The following SPTB variants were observed in gnomAD, a reference collection of about 807,000 sequenced individuals.
SPTB encodes the protein spectrin beta, erythrocytic, also known as spectrin beta chain, erythrocytic.
SPTB carries 45 observed loss-of-function variants against 256.2 expected under a neutral mutation model. The observed-to-expected ratio is 0.18, with a 90% confidence interval of 0.14 to 0.23. The LOEUF is 0.23. Among genes scored for constraint, SPTB ranks in the 10% least tolerant of loss-of-function variants. The probability of loss-of-function intolerance (pLI) is 1.00; values close to 1 mark genes in which losing one functional copy is unlikely to be tolerated. For synonymous variants in SPTB, 1,231 were observed against 1,243.1 expected (o/e 0.99, Z 0.21); for missense variants, 2,715 against 3,040.4 (o/e 0.89, Z 2.52).
At chr14:64,865,118 C>T (rs912360562) in intron 1 of SPTB, among the ~76,000 whole-genome samples, 3 of 151,990 alleles carry the variant, frequency 2.0e-5, no homozygotes, top group Non-Finnish European at 4.4e-5. Flanking sequence ...ACAATGTATA[C>T]ACGATTTCAT....
At chr14:64,858,434 G>A (rs138064987) in intron 1 of SPTB, among the ~76,000 whole-genome samples, 12 of 152,218 alleles carry the variant, frequency 7.9e-5, no homozygotes, top group East Asian at 5.8e-4. Flanking sequence ...CTAGAAATTC[G>A]AGCAGGTATG....
chr14:64,767,435 T>C, intron 30 of SPTB, 83 bp from the exon 31 acceptor site: 1 of 1,571,852 alleles, frequency 6.4e-7, no homozygotes, highest in Non-Finnish European at 8.7e-7. Flanking sequence ...GATGCGGCCC[T>C]GCACCCCCAC....
chr14:64,822,890 G>A, intron 2 of SPTB, 57 bp downstream of exon 2: 1 of 1,605,924 alleles, frequency 6.2e-7, no homozygotes. Flanking sequence ...GGTGGGGAGG[G>A]CTGTGAACCT....
chr14:64,765,049 C>CGT (rs1485519297), intron 32 of SPTB, among the ~76,000 whole-genome samples: 1 of 83,366 alleles, frequency 1.2e-5, no homozygotes, highest in Non-Finnish European at 2.3e-5. Context: ...TGTGCGCGCG[C>CGT]GCGCGCGGGT....
At chr14:64,849,144 T>G (rs760282852) in intron 1 of SPTB, among the ~76,000 whole-genome samples, 19 of 152,358 alleles carry the variant, frequency 1.2e-4, no homozygotes, top group Non-Finnish European at 2.4e-4. Flanking sequence ...TTAGTTTTGC[T>G]GCAAAAATAA....
chr14:64,867,023 T>C (rs1159979136), intron 1 of SPTB, among the ~76,000 whole-genome samples: 1 of 152,142 alleles, frequency 6.6e-6, no homozygotes, highest in Non-Finnish European at 1.5e-5. Flanking sequence ...AGTGACTGTA[T>C]TCTGGATGAA....
chr14:64,865,505 G>C (rs557716983), intron 1 of SPTB, among the ~76,000 whole-genome samples: 10 of 152,050 alleles, frequency 6.6e-5, no homozygotes, highest in Non-Finnish European at 1.3e-4. Flanking sequence ...TTGAAGATGC[G>C]TTTCACTGCA....
intron 1 of SPTB, among the ~76,000 whole-genome samples, chr14:64,874,672 A>C (rs1008759616): frequency 6.6e-6 from 1 of 152,236 alleles, no homozygotes; most frequent in Non-Finnish European, 1.5e-5. Flanking sequence ...TGGTCCACAT[A>C]ATTTATGCCT....
chr14:64,766,160 G>GTA (rs1566740931), intron 32 of SPTB, among the ~76,000 whole-genome samples: 283 of 150,170 alleles, frequency 1.9e-3, no homozygotes, highest in African/African-American at 6.5e-3. Flanking sequence ...TGGTGTGTTT[G>GTA]TGTGTATGTG....
At chr14:64,752,509 A>G (rs1024892030) in intron 33 of SPTB, among the ~76,000 whole-genome samples, 3 of 152,228 alleles carry the variant, frequency 2.0e-5, no homozygotes, top group African/African-American at 7.2e-5. Context: ...CTTTGGAGAA[A>G]GAGCTTGCCT....
chr14:64,765,041 T>TGTGTGTGTGC (rs570414192), intron 32 of SPTB, among the ~76,000 whole-genome samples: 15 of 117,002 alleles, frequency 1.3e-4, no homozygotes, highest in African/African-American at 5.0e-4. Context: ...TGTGTGTGTG[T>TGTGTGTGTGC]GCGCGCGCGC....
At chr14:64,750,674 G>T (rs2081932118) in intron 33 of SPTB, among the ~76,000 whole-genome samples, 1 of 151,956 alleles carries the variant, frequency 6.6e-6, no homozygotes, top group Non-Finnish European at 1.5e-5. Context: ...TACTCAGGAG[G>T]CTGAGACAGG....
intron 1 of SPTB, among the ~76,000 whole-genome samples, chr14:64,867,573 G>A (rs1882260171): frequency 6.6e-6 from 1 of 152,230 alleles, no homozygotes; most frequent in Non-Finnish European, 1.5e-5. Flanking sequence ...TCATGGCTGT[G>A]CTGGGTGCGG....
rs1444657597 is a variant in SPTB, at chr14:64,847,504, T to C, written c.-51-24359A>G. On this transcript the variant is annotated intron_variant, in intron 1 of 35. Transcript: ENST00000644917. The surrounding 1 kb of genome is among the most constrained non-coding windows in gnomAD (Gnocchi z 5.9). ...CTATCCTTCAGGTACCTTCCCAGGT[T>C]GGTGCTAGCTCCTTTCAAGCTACAT... Among the ~76,000 whole-genome samples the C allele has an allele frequency of 6.6e-6, 1 of 152,042 alleles. No homozygotes were observed. Among genetic ancestry groups the C allele is most frequent in the Non-Finnish European group, 1.5e-5 (1 of 68,002 alleles).
At chr14:64,800,692 G>A in intron 8 of SPTB, 64 bp downstream of exon 8, 2 of 1,408,846 alleles carry the variant, frequency 1.4e-6, no homozygotes, top group Non-Finnish European at 2.0e-6. Flanking sequence ...TGGAAAGAGG[G>A]CCACTCTGTC....
rs1207587789 is a variant in SPTB at position 64,824,452 on chromosome 14, C to T, written c.-51-1307G>A. Among the ~76,000 whole-genome samples the T allele has an allele frequency of 6.6e-6, 1 of 152,030 alleles. No homozygotes were observed. Among genetic ancestry groups the T allele is most frequent in the African/African-American group, 2.4e-5 (1 of 41,384 alleles). On this transcript the variant is annotated intron_variant, in intron 1 of 35. Coordinates refer to ENST00000644917, the MANE Select transcript of SPTB (RefSeq NM_001355436.2). The surrounding 1 kb of genome is among the most constrained non-coding windows in gnomAD (Gnocchi z 5.7). ...CAGGCTTGGTCTTCAATGCCCTGGA[C>T]CCTAGGAAAACTATTAGCTTTCTTC...
Position 64,793,832 on chromosome 14 carries a change from G to A in SPTB, c.1831C>T (p.Arg611Cys), listed in dbSNP as rs761729520. Residue 611 changes from arginine (R) to cysteine (C), a missense_variant, in exon 14 of 36, where the codon CGC becomes TGC. Coordinates refer to ENST00000644917, the MANE Select transcript of SPTB (RefSeq NM_001355436.2). The surrounding 1 kb of genome is among the most constrained non-coding windows in gnomAD (Gnocchi z 7.0). Reference sequence around the variant, plus strand: ...AAGCACTGCTCCAAGTGGCTGATGCGGTCCTGGATGACCTGGGGGTCACAA... The same window carrying A: ...AAGCACTGCTCCAAGTGGCTGATGCAGTCCTGGATGACCTGGGGGTCACAA... ...QPCDPQVIQD[R>C]ISHLEQCFEE... The A allele has an allele frequency of 5.0e-6, 8 of 1,609,748 alleles. 1 individual carries two copies. In the East Asian group the frequency reaches 6.7e-5, roughly 13 times the overall value.
chr14:64,773,562 G>T (rs2082311266), intron 24 of SPTB, 138 bp from the exon 25 acceptor site: 2 of 922,802 alleles, frequency 2.2e-6, no homozygotes, highest in Non-Finnish European at 3.5e-6. Flanking sequence ...AATGACAGGG[G>T]CTTTGCCGGG....
In SPTB at chr14:64,790,323, T is replaced by C. The variant is rs1480213599; in HGVS notation, c.2804+1396A>G. 1.3e-5 allele frequency among the ~76,000 whole-genome samples: 2 copies of C among 152,170 alleles called. No homozygotes were observed. Among genetic ancestry groups the C allele is most frequent in the Non-Finnish European group, 2.9e-5 (2 of 68,022 alleles). On this transcript the variant is annotated intron_variant, in intron 15 of 35. Transcript: ENST00000644917. This position sits in a 1 kb window ranked among gnomAD's most constrained non-coding sequence, Gnocchi z 4.8. ...TCAACATTCTCAGACTATAGTTTAT[T>C]GTTGAGCTGATGAGTTCTTCCTCTC...
Sources: allele counts gnomAD v4.1 joint callset (sites outside exome capture counted in the v4.1 genomes callset), GRCh38; gene constraint gnomAD v4.1.1; non-coding constraint Gnocchi (gnomAD v3.1); transcripts MANE v1.5; gene names NCBI Gene and HGNC (gene_info 2026-07-23, HGNC 2026-07-21).